PAK1: variants seen among roughly 807,000 people sequenced by gnomAD.
PAK1 encodes p21 (RAC1) activated kinase 1.
PAK1 carries 29 observed loss-of-function variants against 67.4 expected under a neutral mutation model. The observed-to-expected ratio is 0.43, with a 90% CI of 0.32 to 0.59. The LOEUF is 0.59. Ranked by LOEUF, PAK1 falls within the 20% of genes least tolerant of loss-of-function variation. The pLI is 0.07. For synonymous variants in PAK1, 223 were observed against 237.4 expected (o/e 0.94, Z 0.56); for missense variants, 337 against 670.7 (o/e 0.50, Z 5.50).
chr11:77,442,109 T>C (rs1442461910), intron 1 of PAK1, among the ~76,000 whole-genome samples: 1 of 152,198 alleles, frequency 6.6e-6, no homozygotes, highest in African/African-American at 2.4e-5. Context: ...GAACATGGAA[T>C]AGAATCTTAA....
intron 2 of PAK1, among the ~76,000 whole-genome samples, chr11:77,386,994 G>A (rs1950526201): frequency 6.6e-6 from 1 of 151,514 alleles, no homozygotes; most frequent in Admixed American, 6.6e-5. Flanking sequence ...GGCTAGTCTT[G>A]AGCTCCTGGC....
At chr11:77,484,638 G>A in the PAK1 span, among the ~76,000 whole-genome samples, 2 of 152,178 alleles carry the variant, frequency 1.3e-5, no homozygotes, top group African/African-American at 4.8e-5. Flanking sequence ...AAAAGTTATG[G>A]AGACTGGGTT....
Position 77,344,105 on chromosome 11 carries a change from A to G in PAK1, c.886-174T>C, listed in dbSNP as rs112306182. The G allele has an allele frequency of 6.4e-5, 35 of 550,026 alleles. No individual in the cohort carries two copies. In the South Asian group the frequency reaches 7.7e-4, roughly 12 times the overall value. 34.1% of individuals were successfully genotyped at this position (550,026 alleles called of 1,614,324 possible). A position where few individuals can be genotyped will look rare whatever the true frequency, so the allele number is the denominator to read the frequency against. On this transcript the variant is annotated intron_variant, in intron 9 of 14. Transcript: ENST00000356341. ...CAGTGGTCTTCAAAGTGAGGTCTCA[A>G]GCCAGCATCATCATCATCTGGGAGC...
At chr11:77,505,109 C>A in the PAK1 span, among the ~76,000 whole-genome samples, 1 of 151,982 alleles carries the variant, frequency 6.6e-6, no homozygotes, top group East Asian at 1.9e-4. Flanking sequence ...TAAAATTTAC[C>A]ATTTTAACCA....
chr11:77,466,543 C>T (rs568272718), intron 1 of PAK1, among the ~76,000 whole-genome samples: 28 of 151,556 alleles, frequency 1.8e-4, no homozygotes, highest in African/African-American at 6.8e-4. Flanking sequence ...GCAGAGCTTG[C>T]GGTGAGCCGA....
In PAK1 at chr11:77,374,337, A is replaced by T. The variant is rs751664524; in HGVS notation, c.468T>A (p.Ser156=). The T allele has an allele frequency of 6.3e-7, 1 of 1,589,000 alleles. No individual in the cohort carries two copies. Among genetic ancestry groups the T allele is most frequent in the Non-Finnish European group, 8.6e-7 (1 of 1,157,082 alleles). The change falls in exon 5 of 15, where the codon TCT becomes TCA. Residue 156 remains serine, a synonymous_variant. Transcript: ENST00000356341. ...GTAAATAAAGACTTACCAAGGCATTAGAAGAATTGTAATCCTCAGCTGACT... is the reference window on the plus strand; with the variant it reads ...GTAAATAAAGACTTACCAAGGCATTTGAAGAATTGTAATCCTCAGCTGACT... The part of the protein sequence containing the change: ...TDKSAEDYNS[S]NALNVKAVSE...
rs183005020 is a variant in PAK1, at chr11:77,359,607, G to C, written c.478-590C>G. Among the ~76,000 whole-genome samples the C allele has an allele frequency of 6.3e-4, 96 of 152,052 alleles. 1 individual carries two copies. The highest frequency in any genetic ancestry group is 2.1e-4 in the Non-Finnish European group (14 of 68,012). ...GATCATGTTATCTAAAGAGAACAAT[G>C]AATTTCTCCCCAGACTGGATACTAT... On this transcript the variant is annotated intron_variant, in intron 5 of 14. Coordinates refer to ENST00000356341, the MANE Select transcript of PAK1 (RefSeq NM_002576.5).
intron 1 of PAK1, among the ~76,000 whole-genome samples, chr11:77,418,236 AT>A (rs1345925281): frequency 2.6e-5 from 4 of 152,162 alleles, no homozygotes; most frequent in African/African-American, 9.7e-5. Flanking sequence ...AGTACTTTCA[AT>A]TTCTATGCTT....
chr11:77,463,474 G>A (rs1957454733), intron 1 of PAK1, among the ~76,000 whole-genome samples: 1 of 152,186 alleles, frequency 6.6e-6, no homozygotes, highest in South Asian at 2.1e-4. Flanking sequence ...TTCAGTCTTT[G>A]AGAGGGTCCA....
At position 77,337,607 on chromosome 11, in the gene PAK1, A is replaced by G. The variant is rs542072534; in HGVS notation, c.1117-184T>C. Among the ~76,000 whole-genome samples the G allele has an allele frequency of 3.9e-5, 6 of 152,362 alleles. No homozygotes were observed. In the East Asian group the frequency reaches 1.2e-3, roughly 29 times the overall value. On this transcript the variant is annotated intron_variant, in intron 11 of 14. Transcript: ENST00000356341. The stretch of plus-strand genomic sequence containing the variant: ...TCTAGAAACAAGTCTTCCATCTCCT[A>G]GCTAAACATTCTTTTAACACTCCAT...
At chr11:77,352,395 G>A (rs142369157) in intron 8 of PAK1, among the ~76,000 whole-genome samples, 3 of 152,254 alleles carry the variant, frequency 2.0e-5, no homozygotes, top group East Asian at 1.9e-4. Context: ...GTCACATAAC[G>A]ACGTTTCAGT....
At chr11:77,444,238 T>A (rs1956490021) in intron 1 of PAK1, among the ~76,000 whole-genome samples, 2 of 149,916 alleles carry the variant, frequency 1.3e-5, no homozygotes, top group Non-Finnish European at 3.0e-5. Flanking sequence ...TCCTTCTTAT[T>A]CTCCTAACCC....
At chr11:77,508,498 C>G in the PAK1 span, among the ~76,000 whole-genome samples, 1 of 152,104 alleles carries the variant, frequency 6.6e-6, no homozygotes, top group Admixed American at 6.6e-5. Flanking sequence ...TGATATTAAA[C>G]TATCAGTGGT....
chr11:77,462,824 T>TC (rs1363885701), intron 1 of PAK1, among the ~76,000 whole-genome samples: 1 of 125,018 alleles, frequency 8.0e-6, no homozygotes, highest in Non-Finnish European at 1.6e-5. Context: ...AGAGCGACCC[T>TC]CCATCTCCAA....
At chr11:77,461,171 A>C (rs1212584596) in intron 1 of PAK1, among the ~76,000 whole-genome samples, 1 of 152,240 alleles carries the variant, frequency 6.6e-6, no homozygotes, top group Admixed American at 6.5e-5. Flanking sequence ...TAATCTTTGA[A>C]AGGAGAAAGC....
intron 9 of PAK1, among the ~76,000 whole-genome samples, chr11:77,345,244 TAC>T (rs1296098201): frequency 1.3e-5 from 2 of 151,498 alleles, no homozygotes; most frequent in Non-Finnish European, 2.9e-5. Context: ...CACAGGCCTT[TAC>T]ACACAGAGTT....
intron 1 of PAK1, among the ~76,000 whole-genome samples, chr11:77,399,039 G>C (rs1321234444): frequency 6.6e-6 from 1 of 152,170 alleles, no homozygotes; most frequent in African/African-American, 2.4e-5. Context: ...CATATGAAAG[G>C]TATGTACACC....
chr11:77,485,754 C>T, the PAK1 span, among the ~76,000 whole-genome samples: 6 of 152,248 alleles, frequency 3.9e-5, no homozygotes, highest in South Asian at 2.1e-4. Flanking sequence ...GGATTACAGG[C>T]GTGAGCCACC....
Position 77,323,083 on chromosome 11 carries a change from G to A in PAK1, c.*191C>T. The A allele has an allele frequency of 9.9e-7, 1 of 1,009,352 alleles. No individual in the cohort carries two copies. The highest frequency in any genetic ancestry group is 1.5e-6 in the Non-Finnish European group (1 of 663,028). 62.5% of individuals were successfully genotyped at this position (1,009,352 alleles called of 1,614,324 possible). On this transcript the variant is annotated 3_prime_UTR_variant, in exon 15 of 15. Coordinates refer to ENST00000356341, the MANE Select transcript of PAK1 (RefSeq NM_002576.5). The stretch of plus-strand genomic sequence containing the variant: ...CCTTATTTAGAAATGGCCATCATCT[G>A]ATTAGTCATTCAGTTGCAGTTCTCT...
Sources: allele counts gnomAD v4.1 joint callset (sites outside exome capture counted in the v4.1 genomes callset), GRCh38; gene constraint gnomAD v4.1.1; transcripts MANE v1.5; gene names NCBI Gene and HGNC (gene_info 2026-07-23, HGNC 2026-07-21).